Variants in TEKT5 observed in about 807,000 individuals in gnomAD.
The protein encoded by TEKT5 is tektin-5.
A neutral mutation model predicts 48.7 loss-of-function variants in TEKT5; 52 were observed. That is an observed-to-expected ratio of 1.07 (90% CI 0.86 to 1.35). The LOEUF (loss-of-function observed/expected upper bound fraction) is 1.35, where lower values mean the gene tolerates loss of function less well. TEKT5 is among the 40% of genes most tolerant of loss of function. The pLI is 0.00. For synonymous variants in TEKT5, 318 were observed against 267.6 expected (o/e 1.19, Z -1.84); for missense variants, 831 against 641.6 (o/e 1.30, Z -3.19).
In TEKT5 at chr16:10,635,930, C is replaced by T. The variant is rs1224601652; in HGVS notation, c.1087-12G>A. 2 of 1,612,462 alleles carry T rather than the reference C, an allele frequency of 1.2e-6. No homozygotes were observed. The highest frequency in any genetic ancestry group is 1.3e-5 in the African/African-American group (1 of 74,888). ...ATCTCCTGCAGCGTCTGCGAGGGAACACACAGGTGTCACCACCCACCAGGC... is the reference window on the plus strand; with the variant it reads ...ATCTCCTGCAGCGTCTGCGAGGGAATACACAGGTGTCACCACCCACCAGGC... On this transcript the variant is annotated splice_polypyrimidine_tract_variant and intron_variant, in intron 5 of 6. Transcript: ENST00000283025.
intron 4 of TEKT5, 89 bp from the exon 5 acceptor site, chr16:10,676,270 G>A (rs1000740622): frequency 8.6e-6 from 11 of 1,274,066 alleles, no homozygotes; most frequent in African/African-American, 1.5e-5. Flanking sequence ...CCTCTGGGTC[G>A]GGATTATTCT....
chr16:10,673,393 G>A (rs1052651768), intron 5 of TEKT5, among the ~76,000 whole-genome samples: 1 of 152,164 alleles, frequency 6.6e-6, no homozygotes, highest in African/African-American at 2.4e-5. Flanking sequence ...CGTATTGCCT[G>A]CAAAGCTGAA....
chr16:10,656,355 G>A (rs113835842), intron 5 of TEKT5, among the ~76,000 whole-genome samples: 98 of 152,272 alleles, frequency 6.4e-4, no homozygotes, highest in Middle Eastern at 3.4e-3. Flanking sequence ...GGGCTCAAGC[G>A]ATTCTCCCAC....
chr16:10,630,080 C>T (rs997628927), intron 6 of TEKT5, among the ~76,000 whole-genome samples: 1 of 152,010 alleles, frequency 6.6e-6, no homozygotes, highest in Non-Finnish European at 1.5e-5. Context: ...GGTCTACAGG[C>T]GTGCAAAACT....
chr16:10,691,030 G>A (rs150239882), intron 1 of TEKT5, among the ~76,000 whole-genome samples: 3 of 152,330 alleles, frequency 2.0e-5, no homozygotes, highest in African/African-American at 7.2e-5. Flanking sequence ...TCTACTAGGG[G>A]AGAGAACACC....
chr16:10,668,139 A>G (rs1353085820), intron 5 of TEKT5, among the ~76,000 whole-genome samples: 2 of 152,118 alleles, frequency 1.3e-5, no homozygotes, highest in Non-Finnish European at 2.9e-5. Context: ...TTGGCTTCCC[A>G]AAGTGCTGGG....
chr16:10,667,513 G>A (rs779503712), intron 5 of TEKT5, among the ~76,000 whole-genome samples: 2 of 152,182 alleles, frequency 1.3e-5, no homozygotes, highest in Non-Finnish European at 2.9e-5. Context: ...TCCTTTTTCT[G>A]TCTGTAAATA....
chr16:10,656,980 C>G, intron 5 of TEKT5, among the ~76,000 whole-genome samples: 1 of 152,098 alleles, frequency 6.6e-6, no homozygotes. Context: ...CTCAAGTGAT[C>G]CTCCCACCAC....
At chr16:10,682,530 G>A (rs1010963933) in intron 3 of TEKT5, among the ~76,000 whole-genome samples, 2 of 152,130 alleles carry the variant, frequency 1.3e-5, no homozygotes, top group African/African-American at 2.4e-5. Context: ...GTCTTGCTGT[G>A]TTGCGCAGGC....
chr16:10,636,004 G>T, intron 5 of TEKT5, 86 bp from the exon 6 acceptor site: 2 of 1,558,796 alleles, frequency 1.3e-6, no homozygotes, highest in South Asian at 2.4e-5. Context: ...AGTCAGCTAG[G>T]TCAGCCTCCA....
At chr16:10,652,682 GACACACACACACACACAC>G (rs1187367332) in intron 5 of TEKT5, among the ~76,000 whole-genome samples, 13 of 7,622 alleles carry the variant, frequency 1.7e-3, no homozygotes, top group African/African-American at 9.5e-3. Flanking sequence ...TACACAGGCA[GACACACACACACACACAC>G]ACACACACAC....
chr16:10,666,833 G>A (rs1898467036), intron 5 of TEKT5, among the ~76,000 whole-genome samples: 1 of 152,176 alleles, frequency 6.6e-6, no homozygotes, highest in African/African-American at 2.4e-5. Flanking sequence ...GAATACTGAT[G>A]CGGGTGTGTT....
At chr16:10,636,690 CGTGTGT>C (rs34623422) in intron 5 of TEKT5, among the ~76,000 whole-genome samples, 6,196 of 145,232 alleles carry the variant, frequency 0.043, 302 homozygotes, top group African/African-American at 0.11. Context: ...TACATACATA[CGTGTGT>C]GTGTGTGTGT....
At chr16:10,671,724 A>T (rs1375935951) in intron 5 of TEKT5, 2 of 152,252 alleles carry the variant, frequency 1.3e-5, no homozygotes, top group Non-Finnish European at 2.9e-5. Flanking sequence ...CCACATGACT[A>T]GGAAGGCCTT....
chr16:10,658,555 G>A (rs934594983), intron 5 of TEKT5, among the ~76,000 whole-genome samples: 2 of 152,078 alleles, frequency 1.3e-5, no homozygotes, highest in Admixed American at 1.3e-4. Context: ...CTAACGGCTG[G>A]TGATAGAAGT....
chr16:10,687,844 T>G (rs1176216022), intron 3 of TEKT5, among the ~76,000 whole-genome samples: 2 of 152,276 alleles, frequency 1.3e-5, no homozygotes, highest in African/African-American at 2.4e-5. Flanking sequence ...TTTAAGCCTT[T>G]AAGGGTACAT....
At chr16:10,665,631 C>T (rs1330667846) in intron 5 of TEKT5, among the ~76,000 whole-genome samples, 2 of 152,168 alleles carry the variant, frequency 1.3e-5, no homozygotes, top group African/African-American at 4.8e-5. Flanking sequence ...TAAGCTGTGA[C>T]ACAGTCACCC....
chr16:10,657,660 G>A (rs1337774953), intron 5 of TEKT5, among the ~76,000 whole-genome samples: 1 of 150,838 alleles, frequency 6.6e-6, no homozygotes, highest in East Asian at 2.0e-4. Context: ...CGCAATCTCG[G>A]CTCACTGCAA....
intron 6 of TEKT5, among the ~76,000 whole-genome samples, chr16:10,628,429 A>G (rs1897787326): frequency 6.6e-6 from 1 of 152,220 alleles, no homozygotes; most frequent in Non-Finnish European, 1.5e-5. Context: ...GCTCCCGGGT[A>G]TATACCCAAA....
Sources: allele counts gnomAD v4.1 joint callset (sites outside exome capture counted in the v4.1 genomes callset), GRCh38; gene constraint gnomAD v4.1.1; transcripts MANE v1.5; gene names NCBI Gene and HGNC (gene_info 2026-07-23, HGNC 2026-07-21).